Variants in SCEL observed in about 807,000 individuals in gnomAD.
SCEL encodes sciellin.
SCEL carries 113 observed loss-of-function variants against 117.6 expected under a neutral mutation model. That is an observed-to-expected ratio of 0.96 (90% CI 0.83 to 1.12). The LOEUF (loss-of-function observed/expected upper bound fraction) is 1.12, where lower values mean the gene tolerates loss of function less well. SCEL is among the 50% of genes most tolerant of loss of function. The pLI, the probability that SCEL is intolerant of heterozygous loss-of-function variation, is 0.00. For synonymous variants in SCEL, 270 were observed against 256.2 expected (o/e 1.05, Z -0.51); for missense variants, 785 against 810.8 (o/e 0.97, Z 0.39).
intron 1 of SCEL, among the ~76,000 whole-genome samples, chr13:77,538,115 C>G (rs199502986): frequency 7.8e-6 from 1 of 128,976 alleles, no homozygotes; most frequent in Non-Finnish European, 1.7e-5. Context: ...AATCAAAAGT[C>G]TTTTTTTTTT....
intron 9 of SCEL, among the ~76,000 whole-genome samples, chr13:77,574,593 C>T (rs553774095): frequency 1.3e-5 from 2 of 152,288 alleles, no homozygotes; most frequent in East Asian, 3.9e-4. Flanking sequence ...GCTCAAAGTA[C>T]AGCTTCTGTT....
intron 4 of SCEL, among the ~76,000 whole-genome samples, chr13:77,562,892 T>A (rs527790110): frequency 6.6e-6 from 1 of 152,348 alleles, no homozygotes; most frequent in Admixed American, 6.5e-5. Flanking sequence ...TAGTACTTAT[T>A]CTAATGCAAT....
rs2084672517 is a variant in SCEL, at chr13:77,556,630, G to A, written c.78G>A (p.Lys26=). Residue 26 remains lysine, a synonymous_variant, in exon 3 of 33, where the codon AAG becomes AAA. Coordinates refer to ENST00000349847, the MANE Select transcript of SCEL (RefSeq NM_144777.3). The part of the protein sequence containing the change: ...MKSTTQGTTR[K]QQDFHEVNKR... The stretch of plus-strand genomic sequence containing the variant: ...GCACCACTCAGGGAACCACACGGAA[G>A]CAGCAGGATTTTCACGAGGTGAACA... The A allele has an allele frequency of 6.2e-7, 1 of 1,614,064 alleles. No individual in the cohort carries two copies. The highest frequency in any genetic ancestry group is 1.1e-5 in the South Asian group (1 of 91,072).
intron 4 of SCEL, 55 bp downstream of exon 4, chr13:77,559,918 A>G: frequency 6.9e-7 from 1 of 1,448,098 alleles, no homozygotes; most frequent in Non-Finnish European, 9.7e-7. Flanking sequence ...GGTAGTTTTC[A>G]GAGAAGACTT....
chr13:77,618,740 A>G (rs2089240945), intron 27 of SCEL, among the ~76,000 whole-genome samples: 1 of 152,126 alleles, frequency 6.6e-6, no homozygotes, highest in Admixed American at 6.6e-5. Context: ...CTGAAATGAA[A>G]GACATGAATA....
At chr13:77,609,906 A>G in intron 21 of SCEL, 141 bp from the exon 22 acceptor site, 1 of 386,854 alleles carries the variant, frequency 2.6e-6, no homozygotes, top group Non-Finnish European at 4.3e-6. Context: ...GTCAACACTG[A>G]AAACCCCCAG....
In SCEL at chr13:77,608,121, G is replaced by A. The variant is rs1008626455; in HGVS notation, c.1217+6G>A. 6.2e-7 allele frequency: 1 copy of A among 1,605,420 alleles called. No homozygotes were observed. The highest frequency in any genetic ancestry group is 8.5e-7 in the Non-Finnish European group (1 of 1,173,098). On this transcript the variant is annotated splice_donor_region_variant and intron_variant, in intron 20 of 32. Coordinates refer to ENST00000349847, the MANE Select transcript of SCEL (RefSeq NM_144777.3). Reference sequence around the variant, plus strand: ...GTAAAGAGAAGTAACCAAGGGTGAGGACTATGTCTTACCTCTCTTCCTTCC... The same window carrying A: ...GTAAAGAGAAGTAACCAAGGGTGAGAACTATGTCTTACCTCTCTTCCTTCC...
At chr13:77,609,026 A>G (rs771954669) in intron 20 of SCEL, 32 bp from the exon 21 acceptor site, 3 of 1,496,320 alleles carry the variant, frequency 2.0e-6, no homozygotes, top group Non-Finnish European at 2.7e-6. Flanking sequence ...TTCCATTTTT[A>G]TTTATGATGT....
At chr13:77,553,262 C>G (rs2084450916) in intron 1 of SCEL, among the ~76,000 whole-genome samples, 4 of 152,086 alleles carry the variant, frequency 2.6e-5, no homozygotes, top group Admixed American at 2.6e-4. Flanking sequence ...TTGGGAGGTA[C>G]AGAAAAATAA....
At chr13:77,623,816 CAGGAGGAGTTAA>C (rs566426515) in intron 27 of SCEL, among the ~76,000 whole-genome samples, 1 of 152,298 alleles carries the variant, frequency 6.6e-6, no homozygotes, top group South Asian at 2.1e-4. Flanking sequence ...AGTTGAAAGC[CAGGAGGAGTTAA>C]AGATGTCCAC....
chr13:77,620,072 A>T (rs2089325764), intron 27 of SCEL, among the ~76,000 whole-genome samples: 1 of 152,202 alleles, frequency 6.6e-6, no homozygotes, highest in South Asian at 2.1e-4. Context: ...AAAAAAATTT[A>T]AAAATATTGG....
intron 15 of SCEL, 132 bp downstream of exon 15, chr13:77,599,880 G>T: frequency 1.5e-6 from 1 of 665,850 alleles, no homozygotes. Flanking sequence ...TCCAGGGATA[G>T]TGTGTATCTT....
At chr13:77,592,009 T>A (rs17068014) in intron 11 of SCEL, among the ~76,000 whole-genome samples, 3,729 of 152,262 alleles carry the variant, frequency 0.024, 151 homozygotes, top group East Asian at 0.13. Context: ...TCTGGATGTG[T>A]CTTCTTTTTC....
At chr13:77,567,012 TA>T (rs34523011) in intron 5 of SCEL, among the ~76,000 whole-genome samples, 30 of 151,028 alleles carry the variant, frequency 2.0e-4, no homozygotes, top group Non-Finnish European at 3.4e-4. Context: ...CCACAAACCT[TA>T]AAAAAAAAGC....
At chr13:77,614,637 A>G (rs991870976) in intron 24 of SCEL, among the ~76,000 whole-genome samples, 3 of 152,188 alleles carry the variant, frequency 2.0e-5, no homozygotes, top group African/African-American at 7.2e-5. Flanking sequence ...GTAAAATTTT[A>G]GAGATGGAGG....
chr13:77,585,974 T>G (rs1203363502), intron 9 of SCEL, among the ~76,000 whole-genome samples: 1 of 152,086 alleles, frequency 6.6e-6, no homozygotes, highest in Non-Finnish European at 1.5e-5. Flanking sequence ...AGGGGTCTTG[T>G]TTGCTTCTCA....
chr13:77,617,869 A>C lies in SCEL; in HGVS notation c.1571+7A>C. 2 of 1,604,592 alleles carry C rather than the reference A, an allele frequency of 1.2e-6. No individual in the cohort carries two copies. On this transcript the variant is annotated splice_region_variant and intron_variant, in intron 26 of 32. Transcript: ENST00000349847. ...TAATCAGAAACAATCAGAGGTATAT[A>C]TAGAAGCAGTCAATTCATGTTTTTA...
intron 1 of SCEL, among the ~76,000 whole-genome samples, chr13:77,546,011 G>A (rs918828971): frequency 3.9e-5 from 6 of 152,198 alleles, no homozygotes; most frequent in Non-Finnish European, 8.8e-5. Flanking sequence ...CTTGATCAAT[G>A]GCCAGCACTG....
chr13:77,595,754 G>A (rs1487902663), intron 12 of SCEL, among the ~76,000 whole-genome samples: 1 of 149,604 alleles, frequency 6.7e-6, no homozygotes, highest in Non-Finnish European at 1.5e-5. Context: ...CAAGGATAGA[G>A]CATTAATTTT....
Sources: gnomAD v4.1 joint callset for allele counts (sites outside exome capture counted in the v4.1 genomes callset) on GRCh38, gnomAD v4.1.1 for gene constraint, MANE v1.5 for transcripts, NCBI Gene and HGNC (gene_info 2026-07-23, HGNC 2026-07-21) for gene names.